Variants in ME1 observed in about 807,000 individuals in gnomAD.
ME1 encodes NADP-dependent malic enzyme.
ME1 carries 74 observed loss-of-function variants against 66.4 expected under a neutral mutation model. That is an observed-to-expected ratio of 1.11 (90% confidence interval 0.92 to 1.35). ME1 has a LOEUF of 1.35. Among genes scored for constraint, ME1 ranks in the 40% most tolerant of loss-of-function variants. The pLI is 0.00. For synonymous variants in ME1, 251 were observed against 235.6 expected (o/e 1.07, Z -0.60); for missense variants, 750 against 694.1 (o/e 1.08, Z -0.90).
intron 12 of ME1, among the ~76,000 whole-genome samples, chr6:83,219,453 C>T (rs1790046751): frequency 6.6e-6 from 1 of 152,082 alleles, no homozygotes; most frequent in South Asian, 2.1e-4. Flanking sequence ...CTTTTTAGAC[C>T]TCAGTTTTCT....
chr6:83,347,245 G>A (rs535068737), intron 4 of ME1, among the ~76,000 whole-genome samples: 7 of 152,134 alleles, frequency 4.6e-5, no homozygotes, highest in South Asian at 2.1e-4. Flanking sequence ...AGCCACCACC[G>A]TGCCCAGCCT....
At chr6:83,265,261 C>T (rs1196248054) in intron 6 of ME1, among the ~76,000 whole-genome samples, 1 of 151,986 alleles carries the variant, frequency 6.6e-6, no homozygotes, top group Non-Finnish European at 1.5e-5. Context: ...ACTTAGTATC[C>T]TACAGTATAG....
intron 2 of ME1, among the ~76,000 whole-genome samples, 198 bp from the exon 3 acceptor site, chr6:83,398,714 G>A (rs898704630): frequency 3.3e-5 from 5 of 152,198 alleles, no homozygotes; most frequent in African/African-American, 1.2e-4. Context: ...GTTCATGCCT[G>A]TAATCCCAGC....
chr6:83,289,685 C>G (rs1767464908), intron 6 of ME1, among the ~76,000 whole-genome samples: 1 of 152,020 alleles, frequency 6.6e-6, no homozygotes, highest in African/African-American at 2.4e-5. Flanking sequence ...TCTCATTGAT[C>G]AGAATAGTTT....
At chr6:83,387,194 A>G (rs930833105) in intron 3 of ME1, among the ~76,000 whole-genome samples, 1 of 152,182 alleles carries the variant, frequency 6.6e-6, no homozygotes, top group Admixed American at 6.6e-5. Flanking sequence ...GTATATAATT[A>G]AAATAGATAC....
chr6:83,255,103 T>G (rs2128528484), intron 6 of ME1, among the ~76,000 whole-genome samples: 1 of 152,226 alleles, frequency 6.6e-6, no homozygotes, highest in South Asian at 2.1e-4. Flanking sequence ...TTATCTTGGG[T>G]AGACTATCTT....
At chr6:83,258,977 T>C (rs1336459802) in intron 6 of ME1, among the ~76,000 whole-genome samples, 1 of 152,230 alleles carries the variant, frequency 6.6e-6, no homozygotes, top group African/African-American at 2.4e-5. Flanking sequence ...AGTATTTGTA[T>C]GCATTCAACA....
intron 6 of ME1, among the ~76,000 whole-genome samples, chr6:83,301,324 C>G (rs1767715344): frequency 7.3e-6 from 1 of 136,908 alleles, no homozygotes; most frequent in Non-Finnish European, 1.5e-5. Flanking sequence ...TTCTCTCTCT[C>G]TCTCTCTCTC....
intron 3 of ME1, among the ~76,000 whole-genome samples, chr6:83,394,874 A>C (rs1241219047): frequency 6.6e-6 from 1 of 152,172 alleles, no homozygotes; most frequent in African/African-American, 2.4e-5. Context: ...ATTGTGTTCT[A>C]TATTTTATGC....
At chr6:83,428,652 T>C (rs890643852) in intron 1 of ME1, among the ~76,000 whole-genome samples, 1 of 152,112 alleles carries the variant, frequency 6.6e-6, no homozygotes, top group Non-Finnish European at 1.5e-5. Context: ...GTATGACAGA[T>C]GAAGAAAGTC....
intron 5 of ME1, among the ~76,000 whole-genome samples, chr6:83,324,716 C>CAAAAAAAA (rs55866196): frequency 5.5e-4 from 27 of 49,308 alleles, no homozygotes; most frequent in African/African-American, 1.2e-3. Flanking sequence ...GCCTACCAAC[C>CAAAAAAAA]AAAAAAAAAA....
chr6:83,283,245 AAAAT>A (rs1440295116), intron 6 of ME1, among the ~76,000 whole-genome samples: 3 of 144,944 alleles, frequency 2.1e-5, no homozygotes, highest in Non-Finnish European at 3.0e-5. Flanking sequence ...AAAAAAAAAA[AAAAT>A]GATGAGTTCA....
At chr6:83,212,902 A>C (rs1789920927) in intron 13 of ME1, among the ~76,000 whole-genome samples, 1 of 152,108 alleles carries the variant, frequency 6.6e-6, no homozygotes, top group Non-Finnish European at 1.5e-5. Flanking sequence ...AGAGAAAATG[A>C]CCTTAATTTC....
At chr6:83,374,563 G>A (rs1486537075) in intron 3 of ME1, among the ~76,000 whole-genome samples, 1 of 152,126 alleles carries the variant, frequency 6.6e-6, no homozygotes, top group Non-Finnish European at 1.5e-5. Context: ...TCATTCTGAT[G>A]ACAGTTTCTT....
chr6:83,270,117 G>T (rs1767058140), intron 6 of ME1, among the ~76,000 whole-genome samples: 1 of 151,988 alleles, frequency 6.6e-6, no homozygotes, highest in East Asian at 1.9e-4. Flanking sequence ...TGCAGCAAGG[G>T]GTGGGGTGAC....
intron 11 of ME1, among the ~76,000 whole-genome samples, chr6:83,224,979 A>G (rs1583327015): frequency 6.6e-6 from 1 of 151,764 alleles, no homozygotes; most frequent in East Asian, 2.0e-4. Flanking sequence ...AGGAGGGTGG[A>G]TGACTTGAGG....
chr6:83,234,016 T>C (rs1790348638), intron 9 of ME1, among the ~76,000 whole-genome samples: 1 of 152,146 alleles, frequency 6.6e-6, no homozygotes, highest in South Asian at 2.1e-4. Flanking sequence ...ATATATGAAC[T>C]TCTTTATTTT....
intron 1 of ME1, among the ~76,000 whole-genome samples, chr6:83,414,006 G>C (rs1223566829): frequency 6.6e-6 from 1 of 150,480 alleles, no homozygotes. Context: ...AGCTACTCAA[G>C]AGGCTGAGGT....
At chr6:83,262,619 T>C (rs548838418) in intron 6 of ME1, among the ~76,000 whole-genome samples, 1 of 152,304 alleles carries the variant, frequency 6.6e-6, no homozygotes, top group South Asian at 2.1e-4. Context: ...GAAAAGAGAA[T>C]TGTATATTAT....
Sources: allele counts gnomAD v4.1 joint callset (sites outside exome capture counted in the v4.1 genomes callset), GRCh38; gene constraint gnomAD v4.1.1; transcripts MANE v1.5; gene names NCBI Gene and HGNC (gene_info 2026-07-23, HGNC 2026-07-21).